The following TRABD2B variants were observed in gnomAD, a reference collection of about 807,000 sequenced individuals.
TRABD2B encodes the protein metalloprotease TIKI2.
Under a neutral mutation model 40.1 loss-of-function variants are expected in TRABD2B, and 14 were observed. The observed-to-expected ratio is 0.35, with a 90% CI of 0.23 to 0.55. TRABD2B has a LOEUF of 0.55. TRABD2B is among the 20% of genes least tolerant of loss of function. TRABD2B has a pLI of 0.90. For synonymous variants in TRABD2B, 263 were observed against 277.0 expected, an observed-to-expected ratio of 0.95 and a Z score of 0.50; for missense variants, 541 against 648.6, an observed-to-expected ratio of 0.83 and a Z score of 1.80.
chr1:47,991,885 C>T (rs1246990577), intron 2 of TRABD2B, among the ~76,000 whole-genome samples: 1 of 152,164 alleles, frequency 6.6e-6, no homozygotes, highest in Non-Finnish European at 1.5e-5. Context: ...AAGGCTGTTG[C>T]ATTTCTGATT....
At position 47,994,973 on chromosome 1, in the gene TRABD2B, C is replaced by A. The variant is rs912560528; in HGVS notation, c.103-376G>T. Among the ~76,000 whole-genome samples the A allele has an allele frequency of 6.6e-6, 1 of 152,158 alleles. No homozygotes were observed. The highest frequency in any genetic ancestry group is 2.4e-5 in the African/African-American group (1 of 41,414). On this transcript the variant is annotated intron_variant, in intron 1 of 6. Coordinates refer to ENST00000606738, the MANE Select transcript of TRABD2B (RefSeq NM_001194986.2). The surrounding 1 kb of genome is among the most constrained non-coding windows in gnomAD (Gnocchi z 6.7). ...AAGGGAAACTCTCATGATTAGCGTT[C>A]CCTGTGAGTGCCAAGGACTGCCACA... is the stretch of plus-strand genomic sequence containing the variant.
At chr1:47,847,911 C>T (rs188249979) in intron 2 of TRABD2B, among the ~76,000 whole-genome samples, 172 of 152,336 alleles carry the variant, frequency 1.1e-3, no homozygotes, top group African/African-American at 3.6e-3. Context: ...AATGTCCTCA[C>T]CCAGAGGGGG....
chr1:47,788,186 G>C (rs1279269792), intron 4 of TRABD2B, among the ~76,000 whole-genome samples: 1 of 152,166 alleles, frequency 6.6e-6, no homozygotes, highest in East Asian at 1.9e-4. Context: ...ATGGATATGG[G>C]AATTTTTTCA....
chr1:47,775,785 A>T (rs1332880005), intron 5 of TRABD2B, among the ~76,000 whole-genome samples: 2 of 152,226 alleles, frequency 1.3e-5, no homozygotes, highest in Non-Finnish European at 2.9e-5. Context: ...AGAGGATGCC[A>T]GACGCTGCTA....
chr1:47,907,168 C>T (rs938813566), intron 2 of TRABD2B, among the ~76,000 whole-genome samples: 3 of 152,222 alleles, frequency 2.0e-5, no homozygotes, highest in South Asian at 2.1e-4. Context: ...GCTGGGGCTG[C>T]GGGCCCCAGG....
At chr1:47,930,271 T>C (rs1645022819) in intron 2 of TRABD2B, among the ~76,000 whole-genome samples, 1 of 152,232 alleles carries the variant, frequency 6.6e-6, no homozygotes, top group African/African-American at 2.4e-5. Flanking sequence ...GAGGGAAATC[T>C]TGGCTTTGAC....
chr1:47,897,487 G>A (rs1376392217), intron 2 of TRABD2B, among the ~76,000 whole-genome samples: 2 of 152,092 alleles, frequency 1.3e-5, no homozygotes, highest in Admixed American at 6.5e-5. Flanking sequence ...TCTTCCACAC[G>A]GGGAGGACCC....
At chr1:47,984,808 A>C (rs955080105) in intron 2 of TRABD2B, among the ~76,000 whole-genome samples, 2 of 151,570 alleles carry the variant, frequency 1.3e-5, no homozygotes, top group Non-Finnish European at 2.9e-5. Context: ...CCCACAACAC[A>C]CCACAAGACA....
chr1:47,912,396 AT>A (rs1644774610), intron 2 of TRABD2B, among the ~76,000 whole-genome samples: 1 of 152,160 alleles, frequency 6.6e-6, no homozygotes, highest in South Asian at 2.1e-4. Context: ...TGGTTTTTAA[AT>A]TTTTTTCCTT....
In TRABD2B at chr1:47,765,640, A is replaced by G. The variant is rs768593684; in HGVS notation, c.*262T>C. The G allele has an allele frequency of 3.9e-4, 214 of 555,286 alleles. No homozygotes were observed. The highest frequency in any genetic ancestry group is 4.8e-4 in the Middle Eastern group (1 of 2,088). 34.4% of individuals were successfully genotyped at this position (555,286 alleles called of 1,614,324 possible). On this transcript the variant is annotated 3_prime_UTR_variant, in exon 7 of 7. Coordinates refer to ENST00000606738, the MANE Select transcript of TRABD2B (RefSeq NM_001194986.2). ...ACACAGGCCACATAAGAATAGTTTT[A>G]TCGGTAGAATAAATACATTTTTCTT...
chr1:47,903,440 T>G (rs915093519), intron 2 of TRABD2B, among the ~76,000 whole-genome samples: 1 of 151,862 alleles, frequency 6.6e-6, no homozygotes, highest in African/African-American at 2.4e-5. Context: ...GAAAAACGGT[T>G]GGGAATCATT....
intron 2 of TRABD2B, among the ~76,000 whole-genome samples, chr1:47,947,127 A>C (rs1420304013): frequency 2.6e-5 from 4 of 152,214 alleles, no homozygotes; most frequent in Non-Finnish European, 5.9e-5. Flanking sequence ...GCCTGTCTAA[A>C]GTCACATTAT....
chr1:47,969,902 C>T (rs1645656561), intron 2 of TRABD2B, among the ~76,000 whole-genome samples: 1 of 152,112 alleles, frequency 6.6e-6, no homozygotes, highest in South Asian at 2.1e-4. Flanking sequence ...GAAGCTGCCC[C>T]TTCCAGTGTC....
chr1:47,944,780 C>T (rs974584710), intron 2 of TRABD2B, among the ~76,000 whole-genome samples: 1 of 152,178 alleles, frequency 6.6e-6, no homozygotes, highest in Middle Eastern at 3.2e-3. Context: ...GACATGGCTA[C>T]CACAGTAGAA....
intron 2 of TRABD2B, among the ~76,000 whole-genome samples, chr1:47,951,828 T>C (rs1257915042): frequency 1.3e-5 from 2 of 152,182 alleles, no homozygotes; most frequent in Non-Finnish European, 2.9e-5. Flanking sequence ...CCACTTTATA[T>C]ACTAGGGAAC....
At chr1:47,933,696 C>G (rs1004368890) in intron 2 of TRABD2B, among the ~76,000 whole-genome samples, 3 of 152,212 alleles carry the variant, frequency 2.0e-5, no homozygotes, top group Non-Finnish European at 4.4e-5. Flanking sequence ...TGTTGGTACA[C>G]TGTGTGCCCC....
At chr1:47,943,671 C>G (rs1296056367) in intron 2 of TRABD2B, among the ~76,000 whole-genome samples, 1 of 152,090 alleles carries the variant, frequency 6.6e-6, no homozygotes, top group Non-Finnish European at 1.5e-5. Context: ...TTTGCAACCT[C>G]TGCCTCAAAA....
chr1:47,931,979 G>A (rs1645045743), intron 2 of TRABD2B, among the ~76,000 whole-genome samples: 1 of 152,180 alleles, frequency 6.6e-6, no homozygotes, highest in Non-Finnish European at 1.5e-5. Context: ...TTGATCACAG[G>A]ACTTAACGGA....
chr1:47,791,581 C>T (rs1012644327), intron 4 of TRABD2B, among the ~76,000 whole-genome samples: 1 of 152,104 alleles, frequency 6.6e-6, no homozygotes, highest in African/African-American at 2.4e-5. Context: ...TCCCCACTGC[C>T]CGGCAGTCCG....
Sources: allele counts gnomAD v4.1 joint callset (sites outside exome capture counted in the v4.1 genomes callset), GRCh38; gene constraint gnomAD v4.1.1; non-coding constraint Gnocchi (gnomAD v3.1); transcripts MANE v1.5; gene names NCBI Gene and HGNC (gene_info 2026-07-23, HGNC 2026-07-21).